The following SP2 variants were observed in gnomAD, a reference collection of about 807,000 sequenced individuals.
The protein encoded by SP2 is transcription factor Sp2.
Under a neutral mutation model 50.1 loss-of-function variants are expected in SP2, and 9 were observed. The observed-to-expected ratio is 0.18, with a 90% CI of 0.11 to 0.31. The LOEUF is 0.31. Ranked by LOEUF, SP2 falls within the 10% of genes least tolerant of loss-of-function variation. The probability of loss-of-function intolerance (pLI) is 1.00; values close to 1 mark genes in which losing one functional copy is unlikely to be tolerated. For missense variants in SP2, 581 were observed against 806.5 expected (o/e 0.72, Z 3.39); for synonymous variants, 313 against 326.6 (o/e 0.96, Z 0.45).
rs377244976 is a variant in SP2 at position 47,921,410 on chromosome 17, G to A, written c.1060-1552G>A. ...ATTACAGGCGTGCGCCATCCCTCCC[G>A]GCTAATTTTTTTTGTATTTTCAGTA... On this transcript the variant is annotated intron_variant, in intron 3 of 6. Transcript: ENST00000376741. Among the ~76,000 whole-genome samples, 8 of 151,976 alleles carry A rather than the reference G, an allele frequency of 5.3e-5. No individual in the cohort carries two copies. In the South Asian group the frequency reaches 6.2e-4, roughly 12 times the overall value.
At chr17:47,915,829 G>A in intron 2 of SP2, among the ~76,000 whole-genome samples, 1 of 152,144 alleles carries the variant, frequency 6.6e-6, no homozygotes, top group East Asian at 1.9e-4. Context: ...AACTCCATCT[G>A]AGAGCCAAAC....
At chr17:47,924,741 G>A (rs2035581984) in intron 4 of SP2, among the ~76,000 whole-genome samples, 178 bp from the exon 5 acceptor site, 1 of 152,120 alleles carries the variant, frequency 6.6e-6, no homozygotes, top group Non-Finnish European at 1.5e-5. Flanking sequence ...TATTTTATAG[G>A]GTCATGGAGA....
At chr17:47,913,773 T>C (rs941847348) in intron 1 of SP2, among the ~76,000 whole-genome samples, 4 of 152,008 alleles carry the variant, frequency 2.6e-5, no homozygotes, top group Non-Finnish European at 5.9e-5. Context: ...TATTTTTCTT[T>C]ATTTAAGAAA....
At chr17:47,922,389 C>T (rs2035493273) in intron 3 of SP2, among the ~76,000 whole-genome samples, 1 of 152,186 alleles carries the variant, frequency 6.6e-6, no homozygotes, top group African/African-American at 2.4e-5. Context: ...TCCTAATATA[C>T]AAGTGTCTGT....
rs1278192243 is a variant in SP2, at chr17:47,917,025, G to C, written c.954G>C (p.Gln318His). Residue 318 changes from glutamine (Q) to histidine (H), a missense_variant, in exon 3 of 7, where the codon CAG becomes CAC. Transcript: ENST00000376741. ...AGCAGCAGGTGGTACAGATCCCCCA[G>C]CAGGCTCTGCGGGTGGTGCAGGCGG... is the stretch of plus-strand genomic sequence containing the variant. ...AEQQQVVQIP[Q>H]QALRVVQAAS... is the part of the protein sequence containing the mutation. 14 of 1,614,032 alleles carry C rather than the reference G, an allele frequency of 8.7e-6. No individual in the cohort carries two copies. Among genetic ancestry groups the C allele is most frequent in the Admixed American group, 1.7e-5 (1 of 60,012 alleles).
rs188015050 is a variant in SP2, at chr17:47,921,319, A to G, written c.1060-1643A>G. Among the ~76,000 whole-genome samples, 106 of 151,756 alleles carry G rather than the reference A, an allele frequency of 7.0e-4. 1 individual carries two copies. In the East Asian group the frequency reaches 0.019, roughly 27 times the overall value. On this transcript the variant is annotated intron_variant, in intron 3 of 6. Coordinates refer to ENST00000376741, the MANE Select transcript of SP2 (RefSeq NM_003110.6). The stretch of plus-strand genomic sequence containing the variant: ...GCTGGAGTGCAGTGGCACAATCTCG[A>G]CTCACTGCAACCTCCACCTCCCAGG...
intron 4 of SP2, 108 bp downstream of exon 4, chr17:47,923,382 C>A: frequency 1.1e-6 from 1 of 895,490 alleles, no homozygotes; most frequent in Non-Finnish European, 1.7e-6. Context: ...AGGATGCTGT[C>A]CATCATAGCT....
At chr17:47,901,212 A>G (rs1832789647) in intron 1 of SP2, among the ~76,000 whole-genome samples, 2 of 151,736 alleles carry the variant, frequency 1.3e-5, no homozygotes. Context: ...CAATGGCGCA[A>G]TCTTGGCTCA....
chr17:47,904,034 T>G (rs188165393), intron 1 of SP2, among the ~76,000 whole-genome samples: 1 of 149,902 alleles, frequency 6.7e-6, no homozygotes, highest in African/African-American at 2.5e-5. Context: ...AGGCTGAGAC[T>G]GGCGGATCAC....
chr17:47,927,799 C>G lies in SP2; in HGVS notation c.1817C>G (p.Thr606Ser). ...GACCACCTCACCAAGCATTACAAGA[C>G]CCACCTGGTCACGAAGAACTTGTAA... is the stretch of plus-strand genomic sequence containing the variant. Reference protein sequence around the residue: ...RSDHLTKHYKTHLVTKNL With the variant: ...RSDHLTKHYKSHLVTKNL Residue 606 changes from threonine to serine, a missense_variant, in exon 7 of 7, where the codon ACC becomes AGC. Around this residue, in one of 2 missense-constraint regions of SP2, gnomAD observed 184 missense variants for 315.5 expected, o/e 0.58. Transcript: ENST00000376741. 1 of 1,595,954 alleles carries G rather than the reference C, an allele frequency of 6.3e-7. No homozygotes were observed. The highest frequency in any genetic ancestry group is 8.5e-7 in the Non-Finnish European group (1 of 1,170,582).
At chr17:47,929,843 T>C (rs1333182599), downstream of SP2, 3 of 152,632 alleles carry the variant, frequency 2.0e-5, no homozygotes, top group Admixed American at 6.5e-5. Flanking sequence ...ACAGCTGGGA[T>C]TGCTGTTCTG....
At chr17:47,922,544 C>T (rs1222433028) in intron 3 of SP2, among the ~76,000 whole-genome samples, 3 of 145,226 alleles carry the variant, frequency 2.1e-5, no homozygotes, top group South Asian at 2.1e-4. Context: ...TTTGAGACAG[C>T]GTATTGCTCT....
intron 6 of SP2, 98 bp downstream of exon 6, chr17:47,925,639 TG>T: frequency 1.1e-6 from 1 of 930,748 alleles, no homozygotes; most frequent in Non-Finnish European, 1.7e-6. Context: ...TTGACACTCC[TG>T]GAACTGCCAC....
chr17:47,916,580 C>T lies in SP2; in HGVS notation c.509C>T (p.Ser170Leu). 6.2e-7 allele frequency: 1 copy of T among 1,614,176 alleles called. No individual in the cohort carries two copies. Among genetic ancestry groups the T allele is most frequent in the Non-Finnish European group, 8.5e-7 (1 of 1,180,020 alleles). The part of the protein sequence containing the change: ...PGTNQAIITP[S>L]PSSHKPVPIK... ...ACCAACCAAGCCATCATCACCCCCT[C>T]ACCGTCCAGTCACAAGCCTGTCCCC... Residue 170 changes from serine to leucine, a missense_variant, in exon 3 of 7, where the codon TCA becomes TTA. Ser to Leu is a moderately radical substitution (Grantham distance 145). Coordinates refer to ENST00000376741, the MANE Select transcript of SP2 (RefSeq NM_003110.6). The surrounding 1 kb of genome is among the most constrained non-coding windows in gnomAD (Gnocchi z 4.7).
At position 47,916,512 on chromosome 17, in the gene SP2, A is replaced by C; in HGVS notation, c.441A>C (p.Gln147His). Residue 147 changes from glutamine (Q) to histidine (H), a missense_variant, in exon 3 of 7, where the codon CAA (glutamine) becomes CAC (histidine). Gln to His is a conservative substitution (Grantham distance 24). Coordinates refer to ENST00000376741, the MANE Select transcript of SP2 (RefSeq NM_003110.6). The surrounding 1 kb of genome is among the most constrained non-coding windows in gnomAD (Gnocchi z 4.7). The part of the protein sequence containing the change: ...QIQASNSQTI[Q>H]VQPNLTNQIQ... Reference sequence around the variant, plus strand: ...AGGCAAGCAATTCCCAAACCATCCAAGTACAGCCCAATCTCACCAACCAGA... The same window carrying C: ...AGGCAAGCAATTCCCAAACCATCCACGTACAGCCCAATCTCACCAACCAGA... 6.2e-7 allele frequency: 1 copy of C among 1,614,054 alleles called. No homozygotes were observed. Among genetic ancestry groups the C allele is most frequent in the Non-Finnish European group, 8.5e-7 (1 of 1,180,014 alleles).
rs1477972788 is a variant in SP2, at chr17:47,909,742, G to T, written c.8-5570G>T. On this transcript the variant is annotated intron_variant, in intron 1 of 6. Transcript: ENST00000376741. ...AGAATCTCATTTAGGTATGGAGCCT[G>T]ATGTTCTTAAACATTGTACCTACCA... 6 of 966,258 alleles carry T rather than the reference G, an allele frequency of 6.2e-6. No homozygotes were observed. In the African/African-American group the frequency reaches 1.1e-4, roughly 17 times the overall value. The allele number at this position is 966,258 out of a possible 1,614,324, so 59.9% of individuals were successfully genotyped here. A position where few individuals can be genotyped will look rare whatever the true frequency, so the allele number is the denominator to read the frequency against.
At chr17:47,906,991 C>T (rs1242944919) in intron 1 of SP2, among the ~76,000 whole-genome samples, 1 of 151,894 alleles carries the variant, frequency 6.6e-6, no homozygotes, top group Admixed American at 6.6e-5. Flanking sequence ...GAAGAGGAGC[C>T]CACAAGGGGA....
At chr17:47,906,268 G>A (rs1299089911) in intron 1 of SP2, among the ~76,000 whole-genome samples, 1 of 152,204 alleles carries the variant, frequency 6.6e-6, no homozygotes, top group Non-Finnish European at 1.5e-5. Flanking sequence ...TTGATGATTG[G>A]TTGGCAGTGA....
chr17:47,910,851 A>AAC (rs1598125818), intron 1 of SP2, among the ~76,000 whole-genome samples: 2 of 152,188 alleles, frequency 1.3e-5, no homozygotes, highest in East Asian at 3.8e-4. Context: ...TGCACTTGTA[A>AAC]ACACACACAC....
Sources: allele counts gnomAD v4.1 joint callset (sites outside exome capture counted in the v4.1 genomes callset), GRCh38; gene constraint gnomAD v4.1.1; regional missense constraint gnomAD v4.1.1; non-coding constraint Gnocchi (gnomAD v3.1); transcripts MANE v1.5; gene names NCBI Gene and HGNC (gene_info 2026-07-23, HGNC 2026-07-21).